PPP1R3A: variants seen among roughly 807,000 people sequenced by gnomAD.
PPP1R3A encodes the protein protein phosphatase 1 regulatory subunit 3A, also known as RG1.
PPP1R3A carries 29 observed loss-of-function variants against 41.7 expected under a neutral mutation model. The observed-to-expected ratio is 0.70, with a 90% CI of 0.52 to 0.95. The LOEUF (loss-of-function observed/expected upper bound fraction) is 0.95, where lower values mean the gene tolerates loss of function less well. Ranked by LOEUF, PPP1R3A falls within the 40% of genes least tolerant of loss-of-function variation. The probability of loss-of-function intolerance (pLI) is 0.00; values close to 1 mark genes in which losing one functional copy is unlikely to be tolerated. For missense variants in PPP1R3A, 1,352 were observed against 1,292.4 expected (o/e 1.05, Z -0.71); for synonymous variants, 485 against 453.4 (o/e 1.07, Z -0.89).
intron 1 of PPP1R3A, among the ~76,000 whole-genome samples, chr7:113,892,263 T>A (rs1453793148): frequency 2.6e-5 from 4 of 151,894 alleles, no homozygotes. Context: ...TCCTTTGAGA[T>A]TTTTTAAAAA....
intron 1 of PPP1R3A, among the ~76,000 whole-genome samples, chr7:113,912,587 G>T (rs2129120898): frequency 6.6e-6 from 1 of 152,208 alleles, no homozygotes; most frequent in South Asian, 2.1e-4. Flanking sequence ...ATTTCCTGTT[G>T]AGGGGTAGGG....
chr7:113,886,305 G>C (rs992126479), intron 1 of PPP1R3A, among the ~76,000 whole-genome samples: 1 of 151,876 alleles, frequency 6.6e-6, no homozygotes, highest in African/African-American at 2.4e-5. Context: ...TATGGGGGTG[G>C]GTCTTTTCTG....
intron 1 of PPP1R3A, among the ~76,000 whole-genome samples, chr7:113,882,927 G>T (rs1796718805): frequency 6.6e-6 from 1 of 151,938 alleles, no homozygotes; most frequent in South Asian, 2.1e-4. Flanking sequence ...TATATGTATT[G>T]CCACAGGCCA....
chr7:113,913,916 C>T (rs1438479788), intron 1 of PPP1R3A, among the ~76,000 whole-genome samples: 1 of 152,058 alleles, frequency 6.6e-6, no homozygotes, highest in Non-Finnish European at 1.5e-5. Context: ...TCCCTTGGGG[C>T]CTCTTCTTGT....
intron 1 of PPP1R3A, among the ~76,000 whole-genome samples, chr7:113,885,250 G>C (rs966387671): frequency 6.6e-6 from 1 of 152,024 alleles, no homozygotes; most frequent in African/African-American, 2.4e-5. Flanking sequence ...GTTTCACCAT[G>C]TTGCCAGGCT....
chr7:113,887,256 T>G (rs1316170420), intron 1 of PPP1R3A, among the ~76,000 whole-genome samples: 1 of 152,062 alleles, frequency 6.6e-6, no homozygotes, highest in Non-Finnish European at 1.5e-5. Context: ...ATCATTATAA[T>G]TTTAGAAATT....
chr7:113,900,836 A>T (rs1395399579), intron 1 of PPP1R3A, among the ~76,000 whole-genome samples: 1 of 150,298 alleles, frequency 6.7e-6, no homozygotes, highest in Admixed American at 6.7e-5. Context: ...AATATTTCTT[A>T]TAAGTACTAA....
Position 113,918,983 on chromosome 7 carries a change from T to G in PPP1R3A, c.14A>C (p.Glu5Ala), listed in dbSNP as rs1797391784. 1.2e-6 allele frequency: 2 copies of G among 1,612,310 alleles called. No individual in the cohort carries two copies. Among genetic ancestry groups the G allele is most frequent in the East Asian group, 4.5e-5 (2 of 44,852 alleles). Residue 5 changes from glutamate (E) to alanine (A), a missense_variant, in exon 1 of 4, where the codon GAA becomes GCA. Glu to Ala is a moderately radical substitution (Grantham distance 107). Transcript: ENST00000284601. ...ATCTTTGCTAATCTGACTAGGTACT[T>G]CAGAAGGCTCCATTGGGCTCTCTGA... MEPS[E>A]VPSQISKDNF...
chr7:113,893,805 G>A (rs1796932345), intron 1 of PPP1R3A, among the ~76,000 whole-genome samples: 1 of 151,978 alleles, frequency 6.6e-6, no homozygotes, highest in Admixed American at 6.6e-5. Flanking sequence ...CAGTACCTCG[G>A]AGCTTGATCT....
Position 113,877,157 on chromosome 7 carries a change from G to A in PPP1R3A, c.*566C>T, listed in dbSNP as rs2129112184. 6.6e-6 allele frequency: 1 copy of A among 152,056 alleles called. No individual in the cohort carries two copies. Among genetic ancestry groups the A allele is most frequent in the Non-Finnish European group, 1.5e-5 (1 of 67,958 alleles). The allele number at this position is 152,056 out of a possible 1,614,324, so 9.4% of individuals were successfully genotyped here. The stretch of plus-strand genomic sequence containing the variant: ...TGCATGCATCAAGTATTACACTCAA[G>A]TGAACAGAATATGTTTAAGTTTGCA... On this transcript the variant is annotated 3_prime_UTR_variant, in exon 4 of 4. Coordinates refer to ENST00000284601, the MANE Select transcript of PPP1R3A (RefSeq NM_002711.4).
chr7:113,901,221 A>G (rs979454144), intron 1 of PPP1R3A, among the ~76,000 whole-genome samples: 1 of 151,742 alleles, frequency 6.6e-6, no homozygotes, highest in Non-Finnish European at 1.5e-5. Flanking sequence ...GAAATAATCC[A>G]AAGAGGGTAT....
intron 1 of PPP1R3A, among the ~76,000 whole-genome samples, chr7:113,894,837 T>C (rs2129117148): frequency 6.6e-6 from 1 of 152,114 alleles, no homozygotes; most frequent in Admixed American, 6.6e-5. Context: ...CCAAACTCTA[T>C]AGTATTTGAA....
chr7:113,882,754 A>C (rs1413595654), intron 1 of PPP1R3A, among the ~76,000 whole-genome samples: 1 of 151,992 alleles, frequency 6.6e-6, no homozygotes, highest in Admixed American at 6.6e-5. Context: ...CTAACATTTC[A>C]ATTAATTTTT....
chr7:113,900,562 T>A (rs1388775643), intron 1 of PPP1R3A, among the ~76,000 whole-genome samples: 2 of 150,290 alleles, frequency 1.3e-5, no homozygotes, highest in South Asian at 4.2e-4. Flanking sequence ...ACATATATCA[T>A]TATATATGTC....
chr7:113,902,114 T>G (rs976404060), intron 1 of PPP1R3A, among the ~76,000 whole-genome samples: 1 of 151,752 alleles, frequency 6.6e-6, no homozygotes, highest in African/African-American at 2.4e-5. Flanking sequence ...CTCAGTCCTG[T>G]TCCTCTTCTC....
At chr7:113,884,143 A>T (rs1216254932) in intron 1 of PPP1R3A, among the ~76,000 whole-genome samples, 1 of 152,040 alleles carries the variant, frequency 6.6e-6, no homozygotes, top group Non-Finnish European at 1.5e-5. Flanking sequence ...CAACAATCCT[A>T]AAAAGGTTGA....
In PPP1R3A at chr7:113,879,993, T is replaced by C. The variant is rs751910403; in HGVS notation, c.1099A>G (p.Thr367Ala). The C allele has an allele frequency of 3.1e-6, 5 of 1,613,028 alleles. No individual in the cohort carries two copies. The South Asian group carries it at 5.5e-5, about 18-fold the overall frequency. Residue 367 changes from threonine to alanine, a missense_variant, in exon 4 of 4, where the codon ACT (threonine) becomes GCT (alanine). Transcript: ENST00000284601. The stretch of plus-strand genomic sequence containing the variant: ...GACAGAGACCTTTGGAACAAGTCAG[T>C]ACATATTTCACCATGGATTTGCTTC... ...EKKQIHGEICTDLFQRSLSPS... is the reference protein window; with the variant it reads ...EKKQIHGEICADLFQRSLSPS...
At chr7:113,885,481 C>A (rs1384437816) in intron 1 of PPP1R3A, among the ~76,000 whole-genome samples, 1 of 152,072 alleles carries the variant, frequency 6.6e-6, no homozygotes, top group Non-Finnish European at 1.5e-5. Context: ...CAGGTGTATA[C>A]CCAAGAGAAA....
intron 1 of PPP1R3A, among the ~76,000 whole-genome samples, chr7:113,912,707 C>T (rs377712257): frequency 1.2e-4 from 18 of 152,006 alleles, no homozygotes; most frequent in Middle Eastern, 3.4e-3. Context: ...TTCCTTTTTT[C>T]TTTTCTTTTC....
Sources: gnomAD v4.1 joint callset for allele counts (sites outside exome capture counted in the v4.1 genomes callset) on GRCh38, gnomAD v4.1.1 for gene constraint, MANE v1.5 for transcripts, NCBI Gene and HGNC (gene_info 2026-07-23, HGNC 2026-07-21) for gene names.